Variants in ST6GAL1 observed in about 807,000 individuals in gnomAD.
ST6GAL1 encodes the protein ST6 beta-galactoside alpha-2,6-sialyltransferase 1.
ST6GAL1 carries 20 observed loss-of-function variants against 38.0 expected under a neutral mutation model. The observed-to-expected ratio is 0.53, with a 90% confidence interval of 0.37 to 0.77. ST6GAL1 has a LOEUF of 0.77. ST6GAL1 is among the 30% of genes least tolerant of loss of function. The pLI is 0.00. For synonymous variants in ST6GAL1, 196 were observed against 188.2 expected (o/e 1.04, Z -0.34); for missense variants, 432 against 496.4 (o/e 0.87, Z 1.23).
At chr3:186,972,273 G>T (rs1333409776) in intron 2 of ST6GAL1, among the ~76,000 whole-genome samples, 2 of 151,146 alleles carry the variant, frequency 1.3e-5, no homozygotes, top group East Asian at 1.9e-4. Context: ...TTGAGACAGG[G>T]TCTCACTCTG....
intron 1 of ST6GAL1, among the ~76,000 whole-genome samples, chr3:186,946,005 A>AAG (rs1714350190): frequency 6.7e-6 from 1 of 148,158 alleles, no homozygotes; most frequent in Non-Finnish European, 1.5e-5. Context: ...AAAAAAAAAA[A>AAG]AAAGAAGGGT....
intron 2 of ST6GAL1, among the ~76,000 whole-genome samples, chr3:186,994,999 C>A (rs186156025): frequency 1.1e-4 from 16 of 151,968 alleles, no homozygotes; most frequent in Admixed American, 9.8e-4. Flanking sequence ...ACTATTATCA[C>A]ATTCAAATAA....
rs374148828 is a variant in ST6GAL1, at chr3:187,048,880, A to ATTTTTTTTTTTTTTTTT, written c.608-2357_608-2341dup. Among the ~76,000 whole-genome samples the ATTTTTTTTTTTTTTTTT allele has an allele frequency of 1.5e-4, 17 of 115,442 alleles. 1 individual carries two copies. The highest frequency in any genetic ancestry group is 6.4e-4 in the African/African-American group (17 of 26,570). 75.7% of individuals were successfully genotyped at this position (115,442 alleles called of 152,430 possible). ...TCTGGCTCTGTCCCTGAGAAATTGAATTTTTTTTTTTTTTTTTTTTTTTTT... is the reference window on the plus strand; with the variant it reads ...TCTGGCTCTGTCCCTGAGAAATTGAATTTTTTTTTTTTTTTTTTTTTTTTTTTTTTTTTTTTTTTTTT... On this transcript the variant is annotated intron_variant, in intron 4 of 7. Coordinates refer to ENST00000169298, the MANE Select transcript of ST6GAL1 (RefSeq NM_173216.2).
chr3:186,949,508 A>G (rs1434756517), intron 1 of ST6GAL1, among the ~76,000 whole-genome samples: 1 of 152,120 alleles, frequency 6.6e-6, no homozygotes, highest in East Asian at 1.9e-4. Context: ...TCTGGGCTGC[A>G]AATTTGGATG....
At chr3:187,014,225 GC>G (rs1374985320) in intron 2 of ST6GAL1, among the ~76,000 whole-genome samples, 2 of 152,224 alleles carry the variant, frequency 1.3e-5, no homozygotes, top group African/African-American at 4.8e-5. Context: ...GCCTAAAATT[GC>G]ATGCTGATTA....
chr3:187,037,924 T>A (rs891651836), intron 2 of ST6GAL1, among the ~76,000 whole-genome samples: 1 of 152,172 alleles, frequency 6.6e-6, no homozygotes, highest in Non-Finnish European at 1.5e-5. Flanking sequence ...CACGTTTTTT[T>A]AAATGTATTT....
intron 5 of ST6GAL1, among the ~76,000 whole-genome samples, chr3:187,059,186 A>AGTGT (rs1184713682): frequency 1.3e-5 from 2 of 152,192 alleles, no homozygotes; most frequent in African/African-American, 4.8e-5. Flanking sequence ...GCTGGAGTGC[A>AGTGT]GTGGCGTGAT....
At chr3:187,054,882 G>A (rs1408318330) in intron 5 of ST6GAL1, among the ~76,000 whole-genome samples, 1 of 150,428 alleles carries the variant, frequency 6.6e-6, no homozygotes, top group Non-Finnish European at 1.5e-5. Context: ...GATACAAAGA[G>A]GTTTGTACCT....
At chr3:187,021,241 C>T (rs1053946973) in intron 2 of ST6GAL1, among the ~76,000 whole-genome samples, 17 of 152,102 alleles carry the variant, frequency 1.1e-4, no homozygotes, top group Admixed American at 5.9e-4. Context: ...GGAATACAGG[C>T]GTGAGCCATC....
In ST6GAL1 at chr3:186,968,305, C is replaced by A. The variant is rs556109057; in HGVS notation, c.-183+4379C>A. 2.0e-5 allele frequency among the ~76,000 whole-genome samples: 3 copies of A among 152,170 alleles called. No homozygotes were observed. The South Asian group carries it at 6.2e-4, about 32-fold the overall frequency. On this transcript the variant is annotated intron_variant, in intron 2 of 7. Transcript: ENST00000169298. ...ATAATTATTTATATAAAGTTTTTTC[C>A]CCACAAAGTAGATGCCTATTAGATG...
intron 5 of ST6GAL1, among the ~76,000 whole-genome samples, chr3:187,062,574 T>A (rs866037766): frequency 6.3e-5 from 9 of 143,808 alleles, no homozygotes; most frequent in East Asian, 4.1e-4. Context: ...AATAAGCCAG[T>A]CACACACACA....
chr3:186,979,994 C>G (rs1344172490), intron 2 of ST6GAL1, among the ~76,000 whole-genome samples: 1 of 152,156 alleles, frequency 6.6e-6, no homozygotes, highest in Non-Finnish European at 1.5e-5. Context: ...CCTCCGTATA[C>G]CCTACAGGCA....
intron 1 of ST6GAL1, among the ~76,000 whole-genome samples, chr3:186,940,515 C>T (rs1305541523): frequency 6.6e-6 from 1 of 152,218 alleles, no homozygotes; most frequent in Non-Finnish European, 1.5e-5. Flanking sequence ...GCGTGGGGGC[C>T]GCATGTAGCC....
At chr3:186,934,858 C>A (rs187022633) in intron 1 of ST6GAL1, among the ~76,000 whole-genome samples, 1,941 of 152,082 alleles carry the variant, frequency 0.013, 16 homozygotes, top group East Asian at 0.049. Flanking sequence ...GCTCCGCCTC[C>A]CGGGTTCACG....
intron 2 of ST6GAL1, among the ~76,000 whole-genome samples, chr3:187,036,281 C>A (rs764634089): frequency 1.3e-5 from 2 of 152,172 alleles, no homozygotes; most frequent in African/African-American, 2.4e-5. Flanking sequence ...GAAAAGGGAA[C>A]ACCTACACAC....
rs557757315 is a variant in ST6GAL1 at position 186,955,472 on chromosome 3, A to G, written c.-324-8313A>G. 7.1e-4 allele frequency among the ~76,000 whole-genome samples: 108 copies of G among 151,768 alleles called. No individual in the cohort carries two copies. The South Asian group carries it at 0.021, about 29-fold the overall frequency. ...GATTCTTCCTATCCACAAGCACGGA[A>G]TGTTTTTCCATTTGTTTGTGTCTTC... On this transcript the variant is annotated intron_variant, in intron 1 of 7. Coordinates refer to ENST00000169298, the MANE Select transcript of ST6GAL1 (RefSeq NM_173216.2).
chr3:187,032,729 C>T (rs1031399201), intron 2 of ST6GAL1, among the ~76,000 whole-genome samples: 52 of 152,180 alleles, frequency 3.4e-4, no homozygotes, highest in African/African-American at 1.2e-3. Flanking sequence ...TTTTCTGACT[C>T]TTCCAAGGAT....
At chr3:187,006,934 G>A (rs1430545456) in intron 2 of ST6GAL1, among the ~76,000 whole-genome samples, 1 of 152,160 alleles carries the variant, frequency 6.6e-6, no homozygotes, top group Admixed American at 6.5e-5. Context: ...AGAAGGAAGT[G>A]GTATTTTAGT....
chr3:187,065,698 A>G (rs1719079636), intron 5 of ST6GAL1, among the ~76,000 whole-genome samples: 1 of 152,230 alleles, frequency 6.6e-6, no homozygotes, highest in Non-Finnish European at 1.5e-5. Flanking sequence ...GAGAAGACCT[A>G]CTTCCTATAT....
Sources: allele counts gnomAD v4.1 joint callset (sites outside exome capture counted in the v4.1 genomes callset), GRCh38; gene constraint gnomAD v4.1.1; transcripts MANE v1.5; gene names NCBI Gene and HGNC (gene_info 2026-07-23, HGNC 2026-07-21).